The following ANKRD6 variants were observed in gnomAD, a reference collection of about 807,000 sequenced individuals.
ANKRD6 encodes ankyrin repeat domain-containing protein 6.
ANKRD6 carries 56 observed loss-of-function variants against 82.3 expected under a neutral mutation model. The ratio of observed to expected loss-of-function variants is 0.68; its 90% CI spans 0.55 to 0.85. ANKRD6 has a LOEUF of 0.85. Ranked by LOEUF, ANKRD6 falls within the 40% of genes least tolerant of loss-of-function variation. ANKRD6 has a pLI of 0.00. For synonymous variants in ANKRD6, 347 were observed against 352.1 expected, an observed-to-expected ratio of 0.99 and a Z score of 0.16; for missense variants, 852 against 907.6, an observed-to-expected ratio of 0.94 and a Z score of 0.79.
At position 89,621,993 on chromosome 6, in the gene ANKRD6, G is replaced by T. The variant is rs372813986; in HGVS notation, c.864G>T (p.Gln288His). ...RERLKEERRA[Q>H]SVPRDEVAQS... ...GGCTCAAGGAAGAGAGGAGAGCCCA[G>T]TCTGTGCCAAGAGATGAGGTGGCCC... Residue 288 changes from glutamine (Q) to histidine (H), a missense_variant, in exon 10 of 16, where the codon CAG (glutamine) becomes CAT (histidine). Coordinates refer to ENST00000339746, the MANE Select transcript of ANKRD6 (RefSeq NM_001242809.2). 6.2e-7 allele frequency: 1 copy of T among 1,612,786 alleles called. No individual in the cohort carries two copies.
chr6:89,596,937 T>C (rs1363212724), intron 3 of ANKRD6, among the ~76,000 whole-genome samples: 1 of 152,264 alleles, frequency 6.6e-6, no homozygotes, highest in Non-Finnish European at 1.5e-5. Flanking sequence ...TTTGCACTTA[T>C]AACCTCTTCC....
At chr6:89,511,223 TCTC>T (rs1424005864) in intron 1 of ANKRD6, among the ~76,000 whole-genome samples, 1 of 152,170 alleles carries the variant, frequency 6.6e-6, no homozygotes, top group African/African-American at 2.4e-5. Flanking sequence ...CTGGATTCCT[TCTC>T]CTCTCAGGTT....
chr6:89,482,935 A>G (rs1776970565), intron 1 of ANKRD6, among the ~76,000 whole-genome samples: 1 of 152,092 alleles, frequency 6.6e-6, no homozygotes, highest in African/African-American at 2.4e-5. Context: ...TGAATCCTAA[A>G]ATTGAGTTTG....
chr6:89,517,850 C>T (rs887183873), intron 1 of ANKRD6, among the ~76,000 whole-genome samples: 3 of 152,248 alleles, frequency 2.0e-5, no homozygotes, highest in African/African-American at 7.2e-5. Flanking sequence ...GCCACTGTCA[C>T]ATCAGCAGGT....
chr6:89,548,082 G>C (rs1167805474), intron 1 of ANKRD6, among the ~76,000 whole-genome samples: 2 of 152,168 alleles, frequency 1.3e-5, no homozygotes, highest in Non-Finnish European at 2.9e-5. Flanking sequence ...CCTTTTAAAA[G>C]TGTACAATTC....
At chr6:89,552,675 T>A (rs1307542654) in intron 1 of ANKRD6, among the ~76,000 whole-genome samples, 1 of 152,198 alleles carries the variant, frequency 6.6e-6, no homozygotes, top group African/African-American at 2.4e-5. Context: ...CTGTGCCAAG[T>A]GCCGTGCTTA....
chr6:89,573,052 C>A (rs1790287764), intron 2 of ANKRD6, among the ~76,000 whole-genome samples: 1 of 152,062 alleles, frequency 6.6e-6, no homozygotes, highest in Non-Finnish European at 1.5e-5. Context: ...CCTTAACCTC[C>A]TGGGCTCAAG....
At chr6:89,521,280 G>A (rs1781853666) in intron 1 of ANKRD6, among the ~76,000 whole-genome samples, 1 of 152,186 alleles carries the variant, frequency 6.6e-6, no homozygotes, top group Non-Finnish European at 1.5e-5. Flanking sequence ...CCTACAAGGT[G>A]CTGAGTGGAT....
intron 1 of ANKRD6, among the ~76,000 whole-genome samples, chr6:89,499,199 G>C (rs969571771): frequency 6.6e-6 from 1 of 152,130 alleles, no homozygotes; most frequent in Non-Finnish European, 1.5e-5. Flanking sequence ...GGTGACATAA[G>C]GATAAAAGCC....
intron 1 of ANKRD6, among the ~76,000 whole-genome samples, chr6:89,461,890 G>T (rs547447703): frequency 6.0e-4 from 91 of 152,126 alleles, no homozygotes; most frequent in African/African-American, 2.1e-3. Context: ...TTATATTTAT[G>T]TTCTACTGTA....
chr6:89,518,398 G>A (rs1379971948), intron 1 of ANKRD6, among the ~76,000 whole-genome samples: 4 of 145,324 alleles, frequency 2.8e-5, no homozygotes, highest in African/African-American at 7.8e-5. Context: ...GTAAGACTCC[G>A]TCTCAAAAAA....
At chr6:89,436,888 G>T (rs1442175697) in intron 1 of ANKRD6, among the ~76,000 whole-genome samples, 2 of 152,174 alleles carry the variant, frequency 1.3e-5, no homozygotes, top group African/African-American at 4.8e-5. Context: ...AGGGGGAAGA[G>T]ATGGAAGAAA....
At chr6:89,604,112 A>C (rs1347901296) in intron 4 of ANKRD6, among the ~76,000 whole-genome samples, 3 of 152,244 alleles carry the variant, frequency 2.0e-5, no homozygotes, top group Admixed American at 2.0e-4. Flanking sequence ...AGATCACCTG[A>C]GGTCAGGAGT....
intron 2 of ANKRD6, among the ~76,000 whole-genome samples, chr6:89,579,140 T>G (rs896824543): frequency 6.6e-6 from 1 of 152,254 alleles, no homozygotes; most frequent in African/African-American, 2.4e-5. Context: ...AGCCAGGTGC[T>G]CTGTTTCAAA....
At chr6:89,526,575 T>A (rs1037684681) in intron 1 of ANKRD6, among the ~76,000 whole-genome samples, 1 of 152,166 alleles carries the variant, frequency 6.6e-6, no homozygotes, top group African/African-American at 2.4e-5. Flanking sequence ...GTTTACCATT[T>A]CCTGATGGGT....
At chr6:89,468,989 G>A (rs1358991716) in intron 1 of ANKRD6, among the ~76,000 whole-genome samples, 1 of 151,956 alleles carries the variant, frequency 6.6e-6, no homozygotes, top group Non-Finnish European at 1.5e-5. Context: ...TTCTAATGAG[G>A]CACTAAAGCT....
intron 1 of ANKRD6, among the ~76,000 whole-genome samples, chr6:89,519,061 G>A (rs1781577399): frequency 6.6e-6 from 1 of 152,090 alleles, no homozygotes; most frequent in Non-Finnish European, 1.5e-5. Flanking sequence ...TCACCTTTAT[G>A]ACCTCATTTA....
intron 1 of ANKRD6, among the ~76,000 whole-genome samples, chr6:89,497,595 T>C (rs897358952): frequency 1.3e-5 from 2 of 152,252 alleles, no homozygotes; most frequent in East Asian, 3.8e-4. Flanking sequence ...TTAAACACTT[T>C]ACCTGCAAGT....
intron 1 of ANKRD6, among the ~76,000 whole-genome samples, chr6:89,550,871 G>T (rs1374384904): frequency 6.6e-6 from 1 of 152,054 alleles, no homozygotes; most frequent in Non-Finnish European, 1.5e-5. Flanking sequence ...CAGGAGAATC[G>T]CTTGAACTCA....
Sources: allele counts gnomAD v4.1 joint callset (sites outside exome capture counted in the v4.1 genomes callset), GRCh38; gene constraint gnomAD v4.1.1; transcripts MANE v1.5; gene names NCBI Gene and HGNC (gene_info 2026-07-23, HGNC 2026-07-21).